Variants in MLLT6 observed in about 807,000 individuals in gnomAD.
MLLT6 encodes the protein MLLT6, PHD finger containing.
Under a neutral mutation model 103.0 loss-of-function variants are expected in MLLT6, and 22 were observed. The ratio of observed to expected loss-of-function variants is 0.21; its 90% CI spans 0.15 to 0.31. MLLT6 has a LOEUF of 0.31. Ranked by LOEUF, MLLT6 falls within the 10% of genes least tolerant of loss-of-function variation. The pLI, the probability that MLLT6 is intolerant of heterozygous loss-of-function variation, is 1.00. For synonymous variants in MLLT6, 606 were observed against 623.5 expected (o/e 0.97, Z 0.42); for missense variants, 1,199 against 1,441.7 (o/e 0.83, Z 2.73).
At chr17:38,713,000 G>A (rs1303645353) in intron 8 of MLLT6, 5 of 776,932 alleles carry the variant, frequency 6.4e-6, no homozygotes, top group Non-Finnish European at 1.2e-5. Flanking sequence ...TTGGGAGTTT[G>A]GGGTGCTGTC....
chr17:38,710,585 C>A (rs1056514137), intron 6 of MLLT6, among the ~76,000 whole-genome samples: 2 of 151,938 alleles, frequency 1.3e-5, no homozygotes, highest in African/African-American at 4.8e-5. Flanking sequence ...CTTGCCTAAT[C>A]GTGGGAGTGG....
intron 12 of MLLT6, chr17:38,719,313 G>C (rs946442920): frequency 1.2e-5 from 7 of 589,142 alleles, no homozygotes; most frequent in African/African-American, 1.1e-4. Context: ...AGGAGGAAGA[G>C]AGCAGATGCC....
chr17:38,725,196 C>T (rs1905959895), intron 19 of MLLT6: 1 of 533,576 alleles, frequency 1.9e-6, no homozygotes, highest in African/African-American at 2.0e-5. Context: ...AGGAAAAGGA[C>T]CAATTAGAAA....
At position 38,716,699 on chromosome 17, in the gene MLLT6, G is replaced by A. The variant is rs764424658; in HGVS notation, c.1369G>A (p.Glu457Lys). Residue 457 changes from glutamate to lysine, a missense_variant, in exon 10 of 20, where the codon GAG becomes AAG. Glu to Lys is a moderately conservative substitution (Grantham distance 56). Around this residue, in one of 7 missense-constraint regions of MLLT6, gnomAD observed 1,034 missense variants for 1,091.5 expected, o/e 0.95. Transcript: ENST00000621332. This position sits in a 1 kb window ranked among gnomAD's most constrained non-coding sequence, Gnocchi z 5.6. ...ALSATPVPAD[E>K]TPETGLKEKK... ...GAGTGCCACCCCTGTGCCTGCTGAT[G>A]AGACCCCTGAGACAGGCCTGAAGGA... 4 of 1,612,026 alleles carry A rather than the reference G, an allele frequency of 2.5e-6. No homozygotes were observed. The South Asian group carries it at 4.4e-5, about 18-fold the overall frequency.
At position 38,716,491 on chromosome 17, in the gene MLLT6, G is replaced by GC. The variant is rs1905350602; in HGVS notation, c.1167dup (p.Lys390GlnfsTer3). 1 of 1,613,920 alleles carries GC rather than the reference G, an allele frequency of 6.2e-7. No homozygotes were observed. Among genetic ancestry groups the GC allele is most frequent in the Non-Finnish European group, 8.5e-7 (1 of 1,179,988 alleles). On this transcript the variant is annotated frameshift_variant, in exon 10 of 20. Transcript: ENST00000621332. LOFTEE classifies it high-confidence loss of function. The surrounding 1 kb of genome is among the most constrained non-coding windows in gnomAD (Gnocchi z 5.6). ...CCCCTCCTTCTCCCTCAGCTCCCGAGCCCCCCAAGGCTGACCTTTTTGAGC... is the reference window on the plus strand; with the variant it reads ...CCCCTCCTTCTCCCTCAGCTCCCGAGCCCCCCCAAGGCTGACCTTTTTGAGC...
intron 7 of MLLT6, 96 bp from the exon 8 acceptor site, chr17:38,712,595 C>T (rs1905180862): frequency 1.2e-6 from 1 of 800,920 alleles, no homozygotes; most frequent in East Asian, 2.5e-5. Context: ...AAAACCCCAT[C>T]CCTAAGGGGG....
intron 8 of MLLT6, chr17:38,713,253 C>A: frequency 2.2e-6 from 1 of 460,346 alleles, no homozygotes; most frequent in East Asian, 3.2e-5. Flanking sequence ...GGGGGGCAGG[C>A]CCCTGGACAG....
chr17:38,712,134 T>G (rs1008777655), intron 7 of MLLT6, 120 bp downstream of exon 7: 30 of 1,371,600 alleles, frequency 2.2e-5, no homozygotes, highest in Non-Finnish European at 2.8e-5. Flanking sequence ...TTCCTTCCTC[T>G]GAGGCCACTG....
Position 38,727,730 on chromosome 17 carries a change from GGCT to G in MLLT6, c.*2135_*2137del, listed in dbSNP as rs1348871312. On this transcript the variant is annotated 3_prime_UTR_variant, in exon 20 of 20. Transcript: ENST00000621332. ...GAATTGCTTGAACCCAGGAGGCTGAGGCTGCAGTGAGCCAAGATTGTGCCACTG... is the reference window on the plus strand; with the variant it reads ...GAATTGCTTGAACCCAGGAGGCTGAGGCAGTGAGCCAAGATTGTGCCACTG... The G allele has an allele frequency of 9.6e-6, 2 of 208,004 alleles. No individual in the cohort carries two copies. Among genetic ancestry groups the G allele is most frequent in the Non-Finnish European group, 2.0e-5 (2 of 102,318 alleles). The allele number at this position is 208,004 out of a possible 1,614,324, so 12.9% of individuals were successfully genotyped here.
In MLLT6 at chr17:38,709,042, C is replaced by A; in HGVS notation, c.355-131C>A. On this transcript the variant is annotated intron_variant, in intron 4 of 19. Transcript: ENST00000621332. The surrounding 1 kb of genome is among the most constrained non-coding windows in gnomAD (Gnocchi z 4.3). Reference sequence around the variant, plus strand: ...CGCAGACCATAGAGCGTTTTCATCACTGCAGACAGTTCTGTGGGATAGCAC... The same window carrying A: ...CGCAGACCATAGAGCGTTTTCATCAATGCAGACAGTTCTGTGGGATAGCAC... 1.4e-6 allele frequency: 1 copy of A among 719,664 alleles called. No individual in the cohort carries two copies. Among genetic ancestry groups the A allele is most frequent in the Non-Finnish European group, 2.4e-6 (1 of 421,560 alleles). 44.6% of individuals were successfully genotyped at this position (719,664 alleles called of 1,614,324 possible).
chr17:38,710,012 A>G (rs910831368), intron 6 of MLLT6, among the ~76,000 whole-genome samples: 1 of 152,240 alleles, frequency 6.6e-6, no homozygotes, highest in South Asian at 2.1e-4. Context: ...TTTACAGATG[A>G]GTAAACTAAG....
Position 38,712,178 on chromosome 17 carries a change from G to A in MLLT6, c.720+164G>A, listed in dbSNP as rs187108546. 4.0e-4 allele frequency: 378 copies of A among 935,240 alleles called. 1 individual carries two copies. The African/African-American group carries it at 6.4e-3, about 16-fold the overall frequency. 57.9% of individuals were successfully genotyped at this position (935,240 alleles called of 1,614,324 possible). ...AGGGGGCTGAAATGAAACGGTGGGG[G>A]GGTGAGGCGGGAGCTTGGCTTCCCT... On this transcript the variant is annotated intron_variant, in intron 7 of 19. Coordinates refer to ENST00000621332, the MANE Select transcript of MLLT6 (RefSeq NM_005937.4).
At chr17:38,719,966 C>T (rs1171954073) in intron 14 of MLLT6, 71 bp downstream of exon 14, 1 of 1,481,662 alleles carries the variant, frequency 6.7e-7, no homozygotes, top group African/African-American at 1.4e-5. Context: ...CCCGAGGTCC[C>T]CAAGCTTCTT....
chr17:38,717,700 C>A, intron 11 of MLLT6, 87 bp downstream of exon 11: 1 of 1,497,160 alleles, frequency 6.7e-7, no homozygotes, highest in Non-Finnish European at 9.2e-7. Context: ...GGAATTGGAG[C>A]AACTGGGCTG....
In MLLT6 at chr17:38,728,895, G is replaced by A. The variant is rs767755753; in HGVS notation, c.*3297G>A. 1 of 233,748 alleles carries A rather than the reference G, an allele frequency of 4.3e-6. No individual in the cohort carries two copies. Among genetic ancestry groups the A allele is most frequent in the Non-Finnish European group, 8.5e-6 (1 of 118,194 alleles). 14.5% of individuals were successfully genotyped at this position (233,748 alleles called of 1,614,324 possible). A position where few individuals can be genotyped will look rare whatever the true frequency, so the allele number is the denominator to read the frequency against. On this transcript the variant is annotated 3_prime_UTR_variant, in exon 20 of 20. Transcript: ENST00000621332. The stretch of plus-strand genomic sequence containing the variant: ...TCTCCATGGACAATGACACTTTAAG[G>A]ATTGTCTTGGTTTGTTTTTCCTATT...
At chr17:38,711,261 G>T (rs576465621) in intron 6 of MLLT6, among the ~76,000 whole-genome samples, 1 of 152,270 alleles carries the variant, frequency 6.6e-6, no homozygotes, top group Non-Finnish European at 1.5e-5. Context: ...GACGCAGCAT[G>T]TGGGTTGTTT....
chr17:38,727,904 G>A lies in MLLT6; in HGVS notation c.*2306G>A, dbSNP rs1906121485. ...CCACTTAGAGCGAAACTTAACTTTT[G>A]TCTGGATGGGAAGAGAAGTAAGTCT... On this transcript the variant is annotated 3_prime_UTR_variant, in exon 20 of 20. Coordinates refer to ENST00000621332, the MANE Select transcript of MLLT6 (RefSeq NM_005937.4). 4.3e-6 allele frequency: 1 copy of A among 233,132 alleles called. No individual in the cohort carries two copies. Among genetic ancestry groups the A allele is most frequent in the South Asian group, 1.8e-4 (1 of 5,540 alleles). 14.4% of individuals were successfully genotyped at this position (233,132 alleles called of 1,614,324 possible). A position where few individuals can be genotyped will look rare whatever the true frequency, so the allele number is the denominator to read the frequency against.
At chr17:38,712,246 A>T (rs565872308) in intron 7 of MLLT6, among the ~76,000 whole-genome samples, 2 of 152,124 alleles carry the variant, frequency 1.3e-5, no homozygotes, top group East Asian at 3.9e-4. Context: ...CCATGACATC[A>T]CAGTGTCCCC....
rs753136523 is a variant in MLLT6, at chr17:38,716,670, C to T, written c.1340C>T (p.Ala447Val). ...GCAGGCACCCACAAACGGATGCCCG[C>T]ACTGAGTGCCACCCCTGTGCCTGCT... is the stretch of plus-strand genomic sequence containing the variant. ...ASAGTHKRMP[A>V]LSATPVPADE... The change falls in exon 10 of 20, where the codon GCA becomes GTA. Residue 447 changes from alanine (A) to valine (V), a missense_variant. Transcript: ENST00000621332. This position sits in a 1 kb window ranked among gnomAD's most constrained non-coding sequence, Gnocchi z 5.6. 2 of 1,613,240 alleles carry T rather than the reference C, an allele frequency of 1.2e-6. No homozygotes were observed. The highest frequency in any genetic ancestry group is 1.7e-6 in the Non-Finnish European group (2 of 1,179,804).
Sources: gnomAD v4.1 joint callset for allele counts (sites outside exome capture counted in the v4.1 genomes callset) on GRCh38, gnomAD v4.1.1 for gene constraint, gnomAD v4.1.1 regional missense constraint, Gnocchi (gnomAD v3.1) non-coding constraint, MANE v1.5 for transcripts, NCBI Gene and HGNC (gene_info 2026-07-23, HGNC 2026-07-21) for gene names.